MALT1: variants seen among roughly 807,000 people sequenced by gnomAD.
The protein encoded by MALT1 is mucosa-associated lymphoid tissue lymphoma translocation protein 1.
In MALT1, 36 loss-of-function variants were observed where a neutral mutation model predicts 85.5. The ratio of observed to expected loss-of-function variants is 0.42; its 90% CI spans 0.32 to 0.56. The LOEUF (loss-of-function observed/expected upper bound fraction) is 0.56, where lower values mean the gene tolerates loss of function less well. Among genes scored for constraint, MALT1 ranks in the 20% least tolerant of loss-of-function variants. The pLI, the probability that MALT1 is intolerant of heterozygous loss-of-function variation, is 0.10. For synonymous variants in MALT1, 359 were observed against 361.3 expected (o/e 0.99, Z 0.07); for missense variants, 716 against 981.6 (o/e 0.73, Z 3.62).
At chr18:58,708,039 CAG>C (rs2054779164) in intron 4 of MALT1, among the ~76,000 whole-genome samples, 1 of 152,302 alleles carries the variant, frequency 6.6e-6, no homozygotes, top group Non-Finnish European at 1.5e-5. Flanking sequence ...TTCTATGTCT[CAG>C]GGGGTCTGAG....
Position 58,726,888 on chromosome 18 carries a change from G to A in MALT1, c.1222+3637G>A, listed in dbSNP as rs138934978. Among the ~76,000 whole-genome samples, 172 of 152,320 alleles carry A rather than the reference G, an allele frequency of 1.1e-3. 2 individuals are homozygous for A. Among genetic ancestry groups the A allele is most frequent in the African/African-American group, 3.7e-3 (155 of 41,570 alleles). On this transcript the variant is annotated intron_variant, in intron 10 of 16. Coordinates refer to ENST00000649217, the MANE Select transcript of MALT1 (RefSeq NM_006785.4). ...TTATTCGGCCTGCAGCGGAGCAGCTGTTCAGTTCACATAGCTCAGTGGTTA... is the reference window on the plus strand; with the variant it reads ...TTATTCGGCCTGCAGCGGAGCAGCTATTCAGTTCACATAGCTCAGTGGTTA...
intron 2 of MALT1, among the ~76,000 whole-genome samples, chr18:58,694,168 C>T (rs2054553971): frequency 6.6e-6 from 1 of 152,178 alleles, no homozygotes; most frequent in Non-Finnish European, 1.5e-5. Flanking sequence ...AATGTCCTCC[C>T]TTGGCAAGAG....
At position 58,727,656 on chromosome 18, in the gene MALT1, C is replaced by T. The variant is rs546092884; in HGVS notation, c.1222+4405C>T. Among the ~76,000 whole-genome samples, 198 of 121,242 alleles carry T rather than the reference C, an allele frequency of 1.6e-3. 3 individuals are homozygous for T. Among genetic ancestry groups the T allele is most frequent in the Non-Finnish European group, 1.3e-3 (78 of 61,016 alleles). The allele number at this position is 121,242 out of a possible 152,430, so 79.5% of individuals were successfully genotyped here. On this transcript the variant is annotated intron_variant, in intron 10 of 16. Transcript: ENST00000649217. ...TTTTTTTTTTTTGAGGAAAAAAAGT[C>T]AGGGGGTTTAAAGCTGTAGTGTAGT...
rs562123645 is a variant in MALT1 at position 58,729,256 on chromosome 18, G to A, written c.1223-4141G>A. Among the ~76,000 whole-genome samples, 8 of 152,128 alleles carry A rather than the reference G, an allele frequency of 5.3e-5. No individual in the cohort carries two copies. In the East Asian group the frequency reaches 9.7e-4, roughly 18 times the overall value. On this transcript the variant is annotated intron_variant, in intron 10 of 16. Transcript: ENST00000649217. Reference sequence around the variant, plus strand: ...TGTAATCCCAGCACTTTGGGAGGCCGAGGCAGGCAGATCACCTGAGGTCTG... The same window carrying A: ...TGTAATCCCAGCACTTTGGGAGGCCAAGGCAGGCAGATCACCTGAGGTCTG...
intron 1 of MALT1, among the ~76,000 whole-genome samples, chr18:58,680,224 G>A (rs1302064810): frequency 1.3e-5 from 2 of 152,070 alleles, no homozygotes; most frequent in East Asian, 1.9e-4. Context: ...AATAACAAAC[G>A]CTGTTCTGTA....
intron 2 of MALT1, among the ~76,000 whole-genome samples, chr18:58,696,046 G>A (rs191245117): frequency 8.2e-4 from 125 of 152,300 alleles, no homozygotes; most frequent in African/African-American, 2.5e-3. Context: ...GGTGCATCCT[G>A]ATTTCAGAAG....
At chr18:58,734,413 C>CCTTTATTGTTTGATGT in intron 12 of MALT1, 32 bp downstream of exon 12, 4 of 1,559,452 alleles carry the variant, frequency 2.6e-6, no homozygotes, top group Non-Finnish European at 3.5e-6. Context: ...GTTGAAGTTT[C>CCTTTATTGTTTGATGT]CTTTATTGTT....
chr18:58,721,922 G>A (rs542319639), intron 9 of MALT1, among the ~76,000 whole-genome samples: 16 of 152,216 alleles, frequency 1.1e-4, no homozygotes, highest in Non-Finnish European at 1.8e-4. Context: ...CTACCCAGGC[G>A]GCTCTTCAGC....
intron 16 of MALT1, among the ~76,000 whole-genome samples, chr18:58,746,813 C>T (rs558628359): frequency 6.6e-6 from 1 of 152,166 alleles, no homozygotes; most frequent in South Asian, 2.1e-4. Flanking sequence ...CTGCAACCTC[C>T]ACCTCCCAGA....
chr18:58,676,082 G>T (rs953836998), intron 1 of MALT1, among the ~76,000 whole-genome samples: 2 of 152,030 alleles, frequency 1.3e-5, no homozygotes, highest in African/African-American at 4.8e-5. Context: ...TGGCACGCTG[G>T]GCCAAGCCAC....
chr18:58,747,407 A>G lies in MALT1; in HGVS notation c.2040A>G (p.Glu680=), dbSNP rs1459662250. Residue 680 remains glutamate, a splice_region_variant and synonymous_variant, in exon 17 of 17, where the codon GAA becomes GAG. Transcript: ENST00000649217. ...TRLSSLQKLK[E]HLVFTVCLSY... is the part of the protein sequence containing the mutation. Reference sequence around the variant, plus strand: ...AACCAGATTTTTTTCCTTTTCAGGAACATCTAGTCTTCACAGTATGTTTAT... The same window carrying G: ...AACCAGATTTTTTTCCTTTTCAGGAGCATCTAGTCTTCACAGTATGTTTAT... 1 of 1,594,970 alleles carries G rather than the reference A, an allele frequency of 6.3e-7. No individual in the cohort carries two copies. The highest frequency in any genetic ancestry group is 1.7e-5 in the Admixed American group (1 of 57,216).
chr18:58,696,631 A>G, intron 3 of MALT1, 144 bp downstream of exon 3: 1 of 576,030 alleles, frequency 1.7e-6, no homozygotes. Context: ...AGTAGTCAAT[A>G]GTCATTATTT....
intron 14 of MALT1, among the ~76,000 whole-genome samples, chr18:58,742,362 A>C (rs1016746561): frequency 8.7e-4 from 133 of 152,290 alleles, no homozygotes; most frequent in Middle Eastern, 6.8e-3. Flanking sequence ...GTTCTGATCC[A>C]GTCTCTACCA....
At position 58,673,066 on chromosome 18, in the gene MALT1, TTG is replaced by T. The variant is rs374918565; in HGVS notation, c.209+1216_209+1217del. Reference sequence around the variant, plus strand: ...TTTGAACTTCTCAAATGACAAAGATTTGTCTTACAGTATAATTATTTGTACAC... The same window carrying T: ...TTTGAACTTCTCAAATGACAAAGATTTCTTACAGTATAATTATTTGTACAC... On this transcript the variant is annotated intron_variant, in intron 1 of 16. Coordinates refer to ENST00000649217, the MANE Select transcript of MALT1 (RefSeq NM_006785.4). Among the ~76,000 whole-genome samples the T allele has an allele frequency of 1.4e-3, 215 of 152,322 alleles. 1 individual carries two copies. The highest frequency in any genetic ancestry group is 4.9e-3 in the African/African-American group (204 of 41,556).
chr18:58,691,340 C>A, intron 2 of MALT1: 1 of 857,060 alleles, frequency 1.2e-6, no homozygotes, highest in Non-Finnish European at 1.8e-6. Context: ...CCAAGATGAT[C>A]CTGTTTGCTT....
In MALT1 at chr18:58,717,764, A is replaced by G. The variant is rs548469723; in HGVS notation, c.1018+1797A>G. ...CTTGTCTCAAAAAAAAAAAAAAAAA[A>G]AAAGAAACCTGCTATGTTTCATTCA... On this transcript the variant is annotated intron_variant, in intron 9 of 16. Coordinates refer to ENST00000649217, the MANE Select transcript of MALT1 (RefSeq NM_006785.4). Among the ~76,000 whole-genome samples the G allele has an allele frequency of 6.6e-4, 100 of 151,812 alleles. 1 individual carries two copies. Among genetic ancestry groups the G allele is most frequent in the African/African-American group, 1.8e-3 (74 of 41,486 alleles).
chr18:58,692,066 AAAGAG>A (rs2054512695), intron 2 of MALT1: 1 of 153,540 alleles, frequency 6.5e-6, no homozygotes, highest in African/African-American at 2.4e-5. Flanking sequence ...AAAAAAAAAA[AAAGAG>A]GGTGGTTGTG....
At chr18:58,743,801 ACT>A (rs2055332224) in intron 14 of MALT1, among the ~76,000 whole-genome samples, 1 of 152,162 alleles carries the variant, frequency 6.6e-6, no homozygotes, top group Admixed American at 6.5e-5. Flanking sequence ...AAAAATTAAT[ACT>A]CTGTTTTGGA....
chr18:58,680,801 TA>T (rs2054308519), intron 1 of MALT1, among the ~76,000 whole-genome samples: 1 of 151,760 alleles, frequency 6.6e-6, no homozygotes, highest in Admixed American at 6.6e-5. Flanking sequence ...CGGGCGCCTG[TA>T]GTCCCAGCTA....
Sources: allele counts gnomAD v4.1 joint callset (sites outside exome capture counted in the v4.1 genomes callset), GRCh38; gene constraint gnomAD v4.1.1; transcripts MANE v1.5; gene names NCBI Gene and HGNC (gene_info 2026-07-23, HGNC 2026-07-21).